The following DUT variants were observed in gnomAD, a reference collection of about 807,000 sequenced individuals.
The protein encoded by DUT is deoxyuridine 5'-triphosphate nucleotidohydrolase, mitochondrial.
A neutral mutation model predicts 28.8 loss-of-function variants in DUT; 21 were observed. That is an observed-to-expected ratio of 0.73 (90% CI 0.52 to 1.05). The LOEUF (loss-of-function observed/expected upper bound fraction) is 1.05, where lower values mean the gene tolerates loss of function less well. DUT is among the 50% of genes least tolerant of loss of function. The pLI, the probability that DUT is intolerant of heterozygous loss-of-function variation, is 0.00. For synonymous variants in DUT, 147 were observed against 143.7 expected (o/e 1.02, Z -0.17); for missense variants, 344 against 351.8 (o/e 0.98, Z 0.18).
In DUT at chr15:48,341,539, A is replaced by G. The variant is rs756480484; in HGVS notation, c.656A>G (p.Gln219Arg). 1 of 1,613,234 alleles carries G rather than the reference A, an allele frequency of 6.2e-7. No homozygotes were observed. The highest frequency in any genetic ancestry group is 1.1e-5 in the South Asian group (1 of 91,008). Residue 219 changes from glutamine to arginine, a missense_variant, in exon 6 of 7, where the codon CAG becomes CGG. Gln to Arg is a conservative substitution (Grantham distance 43, BLOSUM62 1). Coordinates refer to ENST00000331200, the MANE Select transcript of DUT (RefSeq NM_001025248.2). ...GTCAAAAAAGGTGATCGAATTGCAC[A>G]GCTCATTTGCGAACGGATTTTTTAT... ...FEVKKGDRIA[Q>R]LICERIFYPE...
chr15:48,335,174 T>C (rs542471796), intron 3 of DUT, among the ~76,000 whole-genome samples: 2 of 152,304 alleles, frequency 1.3e-5, no homozygotes, highest in Non-Finnish European at 2.9e-5. Flanking sequence ...CTCCATTTTT[T>C]AGAATTTTTT....
intron 2 of DUT, among the ~76,000 whole-genome samples, chr15:48,333,922 A>T (rs1597480237): frequency 6.6e-6 from 1 of 152,260 alleles, no homozygotes; most frequent in African/African-American, 2.4e-5. Flanking sequence ...GGGTTAATAT[A>T]TGTAAACCAA....
At chr15:48,338,565 G>C (rs1216634578) in intron 4 of DUT, among the ~76,000 whole-genome samples, 1 of 152,088 alleles carries the variant, frequency 6.6e-6, no homozygotes, top group African/African-American at 2.4e-5. Flanking sequence ...TAGTCATCAG[G>C]GAATGAAAAG....
rs541113636 is a variant in DUT, at chr15:48,342,244, A to T, written c.*166A>T. On this transcript the variant is annotated 3_prime_UTR_variant, in exon 7 of 7. Coordinates refer to ENST00000331200, the MANE Select transcript of DUT (RefSeq NM_001025248.2). Reference sequence around the variant, plus strand: ...TTTTTTTATGATCAAGGAAAAGATCATTAAAAAAAAACACAAAGAAGTTTT... The same window carrying T: ...TTTTTTTATGATCAAGGAAAAGATCTTTAAAAAAAAACACAAAGAAGTTTT... The T allele has an allele frequency of 2.5e-6, 1 of 396,560 alleles. No homozygotes were observed. 24.6% of individuals were successfully genotyped at this position (396,560 alleles called of 1,614,324 possible). A position where few individuals can be genotyped will look rare whatever the true frequency, so the allele number is the denominator to read the frequency against.
chr15:48,338,412 T>A (rs1056680923), intron 4 of DUT, among the ~76,000 whole-genome samples: 10 of 152,200 alleles, frequency 6.6e-5, no homozygotes, highest in Non-Finnish European at 2.9e-5. Flanking sequence ...GGAGTGTTTT[T>A]GTATGTTAGA....
Position 48,342,227 on chromosome 15 carries a change from T to C in DUT, c.*149T>C. 1 of 422,610 alleles carries C rather than the reference T, an allele frequency of 2.4e-6. No individual in the cohort carries two copies. The allele number at this position is 422,610 out of a possible 1,614,324, so 26.2% of individuals were successfully genotyped here. A position where few individuals can be genotyped will look rare whatever the true frequency, so the allele number is the denominator to read the frequency against. On this transcript the variant is annotated 3_prime_UTR_variant, in exon 7 of 7. Transcript: ENST00000331200. Reference sequence around the variant, plus strand: ...GTACTGCATTTTTTACTTTTTTTTATGATCAAGGAAAAGATCATTAAAAAA... The same window carrying C: ...GTACTGCATTTTTTACTTTTTTTTACGATCAAGGAAAAGATCATTAAAAAA...
At chr15:48,335,072 A>G (rs951309222) in intron 3 of DUT, among the ~76,000 whole-genome samples, 1 of 152,208 alleles carries the variant, frequency 6.6e-6, no homozygotes, top group Non-Finnish European at 1.5e-5. Context: ...GACTGGCACT[A>G]TATTATTAGC....
rs2141171624 is a variant in DUT, at chr15:48,343,188, G to A, written c.*1110G>A. ...AGTTTGTGGAAGCACAGGCAAGAGT[G>A]TTCTTTTCTGGTGATTCTCCAGGCC... On this transcript the variant is annotated 3_prime_UTR_variant, in exon 7 of 7. Transcript: ENST00000331200. The A allele has an allele frequency of 6.6e-6, 1 of 152,268 alleles. No homozygotes were observed. The highest frequency in any genetic ancestry group is 2.4e-5 in the African/African-American group (1 of 41,532). The allele number at this position is 152,268 out of a possible 1,614,324, so 9.4% of individuals were successfully genotyped here.
At chr15:48,331,218 G>A (rs946965857), upstream of DUT, 7 of 1,511,818 alleles carry the variant, frequency 4.6e-6, no homozygotes, top group Admixed American at 8.5e-5. Flanking sequence ...GCAGGGCCCG[G>A]GCCTGGCGTA....
chr15:48,334,513 G>A lies in DUT; in HGVS notation c.511+5G>A. The A allele has an allele frequency of 1.3e-6, 2 of 1,595,450 alleles. No homozygotes were observed. Among genetic ancestry groups the A allele is most frequent in the Non-Finnish European group, 1.7e-6 (2 of 1,166,220 alleles). Reference sequence around the variant, plus strand: ...CTGGGTGTTATGGAAGAGTGGGTAAGTCATTTAAGAAACAGGTAACTATTT... The same window carrying A: ...CTGGGTGTTATGGAAGAGTGGGTAAATCATTTAAGAAACAGGTAACTATTT... On this transcript the variant is annotated splice_donor_5th_base_variant and intron_variant, in intron 3 of 6. Coordinates refer to ENST00000331200, the MANE Select transcript of DUT (RefSeq NM_001025248.2).
In DUT at chr15:48,341,319, ATGT is replaced by A; in HGVS notation, c.590_592del (p.Val197del). 6.2e-7 allele frequency: 1 copy of A among 1,607,424 alleles called. No homozygotes were observed. Among genetic ancestry groups the A allele is most frequent in the South Asian group, 1.1e-5 (1 of 89,616 alleles). ...GTCATAGATGAAGATTATAGAGGAAATGTTGGTGTTGTACTGTTTAATTTTGGC... is the reference window on the plus strand; with the variant it reads ...GTCATAGATGAAGATTATAGAGGAAATGGTGTTGTACTGTTTAATTTTGGC... On this transcript the variant is annotated inframe_deletion, in exon 5 of 7. Transcript: ENST00000331200.
chr15:48,331,890 C>T (rs191889282), intron 1 of DUT, 95 bp downstream of exon 1: 3,095 of 31,788 alleles, frequency 0.097, 74 homozygotes, highest in Admixed American at 0.34. Flanking sequence ...TCCTTCTGCG[C>T]GCGGGGGGCG....
intron 1 of DUT, 109 bp downstream of exon 1, chr15:48,331,904 G>C (rs2042417070): frequency 3.1e-6 from 2 of 636,182 alleles, no homozygotes; most frequent in Non-Finnish European, 4.7e-6. Context: ...GGGGGCGGGG[G>C]GGGTGGGGTG....
chr15:48,331,375 A>G (rs968131672), upstream of DUT: 1 of 1,468,460 alleles, frequency 6.8e-7, no homozygotes, highest in Non-Finnish European at 9.0e-7. Flanking sequence ...CTGCCGGGGC[A>G]CCGCCTCTCC....
intron 3 of DUT, among the ~76,000 whole-genome samples, chr15:48,335,668 ATACTTCTC>A (rs2042467647): frequency 6.6e-6 from 1 of 152,128 alleles, no homozygotes; most frequent in South Asian, 2.1e-4. Flanking sequence ...CCTGCTGGCC[ATACTTCTC>A]TTTCTTCCCC....
Position 48,331,472 on chromosome 15 carries a change from G to A in DUT, c.-44G>A. 1.2e-6 allele frequency: 2 copies of A among 1,606,518 alleles called. No individual in the cohort carries two copies. Among genetic ancestry groups the A allele is most frequent in the Non-Finnish European group, 1.7e-6 (2 of 1,177,146 alleles). ...TCTTCAGGGTGGAAGCCTGGCGCAC[G>A]TCCGGAGGTGCCGAGGACCCAACCA... On this transcript the variant is annotated 5_prime_UTR_variant, in exon 1 of 7. Transcript: ENST00000331200.
intron 2 of DUT, among the ~76,000 whole-genome samples, chr15:48,333,029 C>T (rs2042435716): frequency 6.6e-6 from 1 of 151,820 alleles, no homozygotes. Flanking sequence ...AATTGATTTC[C>T]CCAGAGGCTT....
chr15:48,338,972 A>G (rs1204891746), intron 4 of DUT, among the ~76,000 whole-genome samples: 4 of 152,136 alleles, frequency 2.6e-5, no homozygotes, highest in African/African-American at 9.7e-5. Flanking sequence ...CTTTCTCTCT[A>G]CAAGAAATAC....
At chr15:48,334,315 A>G (rs944778157) in intron 2 of DUT, 102 bp from the exon 3 acceptor site, 5 of 689,598 alleles carry the variant, frequency 7.3e-6, no homozygotes, top group Non-Finnish European at 1.1e-5. Flanking sequence ...GCATTAATTC[A>G]TTAAATACAC....
Sources: allele counts gnomAD v4.1 joint callset (sites outside exome capture counted in the v4.1 genomes callset), GRCh38; gene constraint gnomAD v4.1.1; transcripts MANE v1.5; gene names NCBI Gene and HGNC (gene_info 2026-07-23, HGNC 2026-07-21).